The following LIMCH1 variants were observed in gnomAD, a reference collection of about 807,000 sequenced individuals.
LIMCH1 encodes the protein LIM and calponin homology domains-containing protein 1.
In LIMCH1, 113 loss-of-function variants were observed where a neutral mutation model predicts 176.5. The ratio of observed to expected loss-of-function variants is 0.64; its 90% CI spans 0.55 to 0.75. The LOEUF (loss-of-function observed/expected upper bound fraction) is 0.75. LIMCH1 is among the 30% of genes least tolerant of loss of function. The probability of loss-of-function intolerance (pLI) is 0.00; values close to 1 mark genes in which losing one functional copy is unlikely to be tolerated. For missense variants in LIMCH1, 1,674 were observed against 1,814.9 expected (o/e 0.92, Z 1.41); for synonymous variants, 619 against 645.9 (o/e 0.96, Z 0.63).
chr4:41,665,567 G>A (rs1461144683), intron 20 of LIMCH1, among the ~76,000 whole-genome samples: 1 of 152,126 alleles, frequency 6.6e-6, no homozygotes, highest in Non-Finnish European at 1.5e-5. Flanking sequence ...AGCATATGAT[G>A]AAACAAGTGC....
intron 1 of LIMCH1, among the ~76,000 whole-genome samples, chr4:41,446,341 T>C (rs944876479): frequency 6.6e-6 from 1 of 152,200 alleles, no homozygotes; most frequent in African/African-American, 2.4e-5. Context: ...AGTCTATTAG[T>C]GTCCGACAAA....
chr4:41,660,392 A>G (rs1562123583), intron 18 of LIMCH1, among the ~76,000 whole-genome samples: 2 of 152,228 alleles, frequency 1.3e-5, no homozygotes. Flanking sequence ...TGGAGGTGCC[A>G]TGGAGATGAA....
chr4:41,668,642 A>C (rs1045817825), intron 21 of LIMCH1, among the ~76,000 whole-genome samples: 2 of 152,258 alleles, frequency 1.3e-5, no homozygotes, highest in Non-Finnish European at 2.9e-5. Context: ...GAAACATTTC[A>C]AAATGTATTC....
intron 31 of LIMCH1, among the ~76,000 whole-genome samples, chr4:41,695,178 A>G (rs948183543): frequency 4.6e-5 from 7 of 151,798 alleles, no homozygotes; most frequent in South Asian, 2.1e-4. Context: ...ATTTATTTTC[A>G]TACAAAAGAT....
intron 4 of LIMCH1, among the ~76,000 whole-genome samples, chr4:41,606,731 A>T (rs1305598850): frequency 6.6e-6 from 1 of 152,172 alleles, no homozygotes; most frequent in South Asian, 2.1e-4. Context: ...GTTACCCAGG[A>T]GAGGCCCTCC....
chr4:41,663,134 C>CGTGTGT (rs60475434), intron 20 of LIMCH1, 150 bp downstream of exon 20: 15,148 of 405,714 alleles, frequency 0.037, 321 homozygotes, highest in African/African-American at 0.071. Flanking sequence ...TTTTCTTTTT[C>CGTGTGT]GTGTGTGTGT....
chr4:41,624,066 A>G (rs796964959), intron 7 of LIMCH1, among the ~76,000 whole-genome samples: 84 of 152,340 alleles, frequency 5.5e-4, no homozygotes, highest in African/African-American at 1.9e-3. Flanking sequence ...AAGAGGATAA[A>G]ATAAGAACCA....
intron 1 of LIMCH1, among the ~76,000 whole-genome samples, chr4:41,443,750 C>T (rs749650230): frequency 1.3e-5 from 2 of 152,208 alleles, no homozygotes; most frequent in Non-Finnish European, 2.9e-5. Flanking sequence ...ACCAAGGGAG[C>T]AGCTCGGATG....
intron 3 of LIMCH1, among the ~76,000 whole-genome samples, chr4:41,532,494 A>G (rs114747864): frequency 0.013 from 1,961 of 152,330 alleles, 38 homozygotes; most frequent in African/African-American, 0.045. Flanking sequence ...TTTGTACATC[A>G]CACTCGGAAA....
intron 17 of LIMCH1, 83 bp from the exon 18 acceptor site, chr4:41,650,310 A>T: frequency 1.1e-6 from 1 of 926,836 alleles, no homozygotes; most frequent in South Asian, 1.5e-5. Context: ...TGATCTTTTG[A>T]GGTAATTCTG....
chr4:41,612,059 A>AT (rs2091484611), intron 4 of LIMCH1, among the ~76,000 whole-genome samples: 1 of 152,160 alleles, frequency 6.6e-6, no homozygotes, highest in Non-Finnish European at 1.5e-5. Flanking sequence ...CCTGTTCTTC[A>AT]GGGCATTAAT....
chr4:41,633,621 T>C lies in LIMCH1; in HGVS notation c.1903T>C (p.Trp635Arg). The C allele has an allele frequency of 6.5e-7, 1 of 1,536,154 alleles. No individual in the cohort carries two copies. The highest frequency in any genetic ancestry group is 8.7e-7 in the Non-Finnish European group (1 of 1,146,928). Residue 635 changes from tryptophan (W) to arginine (R), a missense_variant, in exon 13 of 32, where the codon TGG (tryptophan) becomes CGG (arginine). Coordinates refer to ENST00000503057, the MANE Select transcript of LIMCH1 (RefSeq NM_001330672.2). ...GTTGGAGAAGATGACAGCTCCTGCCTGGAGTGGCAGTGGACTGAAAGGCCA... is the reference window on the plus strand; with the variant it reads ...GTTGGAGAAGATGACAGCTCCTGCCCGGAGTGGCAGTGGACTGAAAGGCCA... The part of the protein sequence containing the change: ...EKLEKMTAPA[W>R]SGSGLKGQRK...
intron 15 of LIMCH1, 46 bp from the exon 16 acceptor site, chr4:41,646,077 A>G: frequency 6.4e-7 from 1 of 1,555,586 alleles, no homozygotes; most frequent in Non-Finnish European, 8.7e-7. Flanking sequence ...AAATGGAATT[A>G]TGCACAAGTC....
At chr4:41,535,279 ATTTCATTC>A (rs1397823189), upstream of LIMCH1, among the ~76,000 whole-genome samples, 6 of 152,056 alleles carry the variant, frequency 3.9e-5, no homozygotes, top group East Asian at 9.7e-4. Flanking sequence ...TACCCCTGAT[ATTTCATTC>A]TTAGTACTAG....
At chr4:41,598,893 G>T in intron 1 of LIMCH1, 27 bp from the exon 2 acceptor site, 1 of 1,410,286 alleles carries the variant, frequency 7.1e-7, no homozygotes, top group South Asian at 1.2e-5. Flanking sequence ...AGATAATATA[G>T]ACTTATATTT....
Position 41,650,503 on chromosome 4 carries a change from T to G in LIMCH1, c.2931T>G (p.Phe977Leu). ...PAHSLTKSQMFEGVARVHGSP... is the reference protein window; with the variant it reads ...PAHSLTKSQMLEGVARVHGSP... ...ACTCCTTAACCAAATCCCAGATGTT[T>G]GAAGGTGTGGCCAGAGTGCACGGGT... Residue 977 changes from phenylalanine (F) to leucine (L), a missense_variant, in exon 18 of 32, where the codon TTT (phenylalanine) becomes TTG (leucine). Physicochemically the swap from Phe to Leu is conservative, Grantham distance 22. Coordinates refer to ENST00000503057, the MANE Select transcript of LIMCH1 (RefSeq NM_001330672.2). 1.2e-6 allele frequency: 2 copies of G among 1,614,056 alleles called. No homozygotes were observed. The highest frequency in any genetic ancestry group is 1.6e-4 in the Middle Eastern group (1 of 6,062).
intron 1 of LIMCH1, among the ~76,000 whole-genome samples, chr4:41,429,275 A>AT (rs1002726470): frequency 7.9e-5 from 12 of 151,668 alleles, no homozygotes; most frequent in Non-Finnish European, 2.9e-5. Context: ...ACAAAGCAGC[A>AT]TTTTTTTTCT....
chr4:41,626,666 G>T (rs1474282332), intron 7 of LIMCH1, 42 bp from the exon 8 acceptor site: 7 of 1,472,254 alleles, frequency 4.8e-6, no homozygotes, highest in Admixed American at 4.4e-5. Context: ...AATTTTTTTT[G>T]TCTGATCACA....
At chr4:41,657,469 A>C (rs6821712) in intron 18 of LIMCH1, among the ~76,000 whole-genome samples, 52,561 of 152,122 alleles carry the variant, frequency 0.35, 10,254 homozygotes, top group African/African-American at 0.52. Flanking sequence ...TTGATTACAG[A>C]TAGCCTATAT....
Sources: gnomAD v4.1 joint callset for allele counts (sites outside exome capture counted in the v4.1 genomes callset) on GRCh38, gnomAD v4.1.1 for gene constraint, MANE v1.5 for transcripts, NCBI Gene and HGNC (gene_info 2026-07-23, HGNC 2026-07-21) for gene names.